LRRC37A2: variants seen among roughly 807,000 people sequenced by gnomAD.
LRRC37A2 encodes the protein leucine-rich repeat-containing protein 37A2.
LRRC37A2 carries 9 observed loss-of-function variants against 68.8 expected under a neutral mutation model. That is an observed-to-expected ratio of 0.13 (90% CI 0.08 to 0.23). The LOEUF is 0.23. Ranked by LOEUF, LRRC37A2 falls within the 10% of genes least tolerant of loss-of-function variation. The probability of loss-of-function intolerance (pLI) is 1.00; values close to 1 mark genes in which losing one functional copy is unlikely to be tolerated. For synonymous variants in LRRC37A2, 63 were observed against 367.6 expected, an observed-to-expected ratio of 0.17 and a Z score of 9.48; for missense variants, 168 against 950.4, an observed-to-expected ratio of 0.18 and a Z score of 10.82.
At chr17:47,029,558 G>A in the LRRC37A2 span, among the ~76,000 whole-genome samples, 1 of 152,154 alleles carries the variant, frequency 6.6e-6, no homozygotes, top group Non-Finnish European at 1.5e-5. Flanking sequence ...GATGTGTCTG[G>A]ACTAGAGCAG....
At chr17:46,896,355 A>AGAGAGAGAGAGAAG in the LRRC37A2 span, among the ~76,000 whole-genome samples, 1 of 149,334 alleles carries the variant, frequency 6.7e-6, no homozygotes, top group Admixed American at 6.9e-5. Context: ...GAAAGAAAGA[A>AGAGAGAGAGAGAAG]AAAGAAAGAA....
the LRRC37A2 span, among the ~76,000 whole-genome samples, chr17:46,851,954 C>T: frequency 0.2 from 29,775 of 152,030 alleles, 3,559 homozygotes; most frequent in East Asian, 0.5. The surrounding 1 kb of genome is among the most constrained non-coding windows in gnomAD (Gnocchi z 4.3). Flanking sequence ...CTGGTCGCCC[C>T]CCAGCCGCCG....
chr17:47,029,827 G>C, the LRRC37A2 span, among the ~76,000 whole-genome samples: 2 of 152,084 alleles, frequency 1.3e-5, no homozygotes, highest in African/African-American at 4.8e-5. Context: ...CCAGCACTTT[G>C]CTCAGGTGGG....
At chr17:46,729,929 G>C in the LRRC37A2 span, among the ~76,000 whole-genome samples, 1 of 152,052 alleles carries the variant, frequency 6.6e-6, no homozygotes, top group African/African-American at 2.4e-5. Context: ...CAACATATGT[G>C]TACTGTGGAA....
the LRRC37A2 span, chr17:46,923,724 A>C: frequency 2.2e-6 from 1 of 463,182 alleles, no homozygotes; most frequent in East Asian, 3.5e-5. Flanking sequence ...CGTAGCATTC[A>C]CTATTATTAC....
the LRRC37A2 span, among the ~76,000 whole-genome samples, chr17:46,495,565 A>AGT: frequency 6.7e-6 from 1 of 149,392 alleles, no homozygotes; most frequent in Non-Finnish European, 1.5e-5. Context: ...TTGTATTTTT[A>AGT]GTAGAGATGA....
the LRRC37A2 span, among the ~76,000 whole-genome samples, chr17:46,988,450 C>G: frequency 6.6e-6 from 1 of 152,196 alleles, no homozygotes; most frequent in African/African-American, 2.4e-5. Flanking sequence ...AGACATTGTT[C>G]ACTTTCAAAC....
At chr17:47,024,532 G>A in the LRRC37A2 span, 7 of 707,566 alleles carry the variant, frequency 9.9e-6, no homozygotes, top group Non-Finnish European at 1.0e-5. Context: ...AAAGGAAAAT[G>A]TAAGAAAAGG....
At chr17:46,803,663 C>A in the LRRC37A2 span, among the ~76,000 whole-genome samples, 1 of 152,250 alleles carries the variant, frequency 6.6e-6, no homozygotes, top group Non-Finnish European at 1.5e-5. Flanking sequence ...TAGCCCCAGG[C>A]CTGCAGCCTG....
chr17:46,957,295 A>G, the LRRC37A2 span, among the ~76,000 whole-genome samples: 1 of 152,058 alleles, frequency 6.6e-6, no homozygotes, highest in Non-Finnish European at 1.5e-5. Flanking sequence ...ACAGAGTGAG[A>G]CCCTGCCTCA....
the LRRC37A2 span, among the ~76,000 whole-genome samples, chr17:46,943,741 G>A: frequency 6.6e-6 from 1 of 152,238 alleles, no homozygotes; most frequent in African/African-American, 2.4e-5. Context: ...CTGATGCTAC[G>A]AGCCATGTGC....
the LRRC37A2 span, among the ~76,000 whole-genome samples, chr17:46,832,498 C>G: frequency 3.3e-5 from 5 of 152,010 alleles, no homozygotes; most frequent in Admixed American, 2.0e-4. Context: ...CAGAATCAGC[C>G]CTGCTCTTTT....
chr17:46,818,392 G>C, the LRRC37A2 span: 48 of 883,130 alleles, frequency 5.4e-5, no homozygotes, highest in South Asian at 1.8e-4. Flanking sequence ...GTGGGCGGGT[G>C]GGGGGCTGGA....
At chr17:46,769,869 C>A in the LRRC37A2 span, 1 of 1,613,526 alleles carries the variant, frequency 6.2e-7, no homozygotes, top group Non-Finnish European at 8.5e-7. Flanking sequence ...TCCCTGGACA[C>A]TAACACGCCG....
At chr17:46,822,994 T>TTA in the LRRC37A2 span, among the ~76,000 whole-genome samples, 1 of 145,990 alleles carries the variant, frequency 6.8e-6, no homozygotes, top group Non-Finnish European at 1.5e-5. Context: ...TTTTATGTAT[T>TTA]TATATATATA....
chr17:46,845,893 C>T, the LRRC37A2 span, among the ~76,000 whole-genome samples: 2 of 149,122 alleles, frequency 1.3e-5, no homozygotes, highest in South Asian at 2.1e-4. Flanking sequence ...TGAGTTCAAG[C>T]GATTCTCCTG....
the LRRC37A2 span, chr17:46,938,472 C>T: frequency 6.9e-7 from 1 of 1,449,776 alleles, no homozygotes; most frequent in Non-Finnish European, 9.6e-7. Context: ...GCTGATATTG[C>T]TTTCTGTGTA....
At chr17:46,809,020 A>G in the LRRC37A2 span, among the ~76,000 whole-genome samples, 19 of 152,184 alleles carry the variant, frequency 1.2e-4, no homozygotes, top group African/African-American at 4.3e-4. Context: ...AACAGGCCCC[A>G]GGTTGGGCTG....
the LRRC37A2 span, among the ~76,000 whole-genome samples, chr17:46,973,867 G>T: frequency 6.6e-6 from 1 of 152,098 alleles, no homozygotes; most frequent in Admixed American, 6.5e-5. Flanking sequence ...GCTGGATGGG[G>T]GCCATTTCTG....
Sources: allele counts gnomAD v4.1 joint callset (sites outside exome capture counted in the v4.1 genomes callset), GRCh38; gene constraint gnomAD v4.1.1; non-coding constraint Gnocchi (gnomAD v3.1); transcripts MANE v1.5; gene names NCBI Gene and HGNC (gene_info 2026-07-23, HGNC 2026-07-21).